Variants in MAP3K5 observed in about 807,000 individuals in gnomAD.
MAP3K5 encodes the protein ASK-1.
MAP3K5 carries 56 observed loss-of-function variants against 158.7 expected under a neutral mutation model. That is an observed-to-expected ratio of 0.35 (90% CI 0.28 to 0.44). The LOEUF (loss-of-function observed/expected upper bound fraction) is 0.44. Ranked by LOEUF, MAP3K5 falls within the 20% of genes least tolerant of loss-of-function variation. The pLI, the probability that MAP3K5 is intolerant of heterozygous loss-of-function variation, is 1.00. For missense variants in MAP3K5, 1,294 were observed against 1,674.8 expected (o/e 0.77, Z 3.97); for synonymous variants, 579 against 601.7 (o/e 0.96, Z 0.55).
At chr6:136,654,533 G>A (rs1778659668) in intron 10 of MAP3K5, among the ~76,000 whole-genome samples, 1 of 152,064 alleles carries the variant, frequency 6.6e-6, no homozygotes, top group Admixed American at 6.6e-5. Context: ...CGCAACCTCT[G>A]CCTCCCAGGT....
intron 15 of MAP3K5, 109 bp downstream of exon 15, chr6:136,622,739 G>A: frequency 1.6e-6 from 2 of 1,212,690 alleles, no homozygotes; most frequent in Non-Finnish European, 2.3e-6. Flanking sequence ...AATTCACAGA[G>A]TGAAGTTTTC....
At chr6:136,732,998 C>A (rs1782291420) in intron 1 of MAP3K5, among the ~76,000 whole-genome samples, 1 of 152,068 alleles carries the variant, frequency 6.6e-6, no homozygotes, top group Non-Finnish European at 1.5e-5. Flanking sequence ...CTTTCAAGCA[C>A]ATAGTACTTT....
chr6:136,557,759 C>G lies in MAP3K5; in HGVS notation c.4124G>C (p.Ter1375SerextTer14). Residue 1375 changes from the stop codon to serine, a stop_lost, in exon 30 of 30, where the codon TGA becomes TCA. Coordinates refer to ENST00000359015, the MANE Select transcript of MAP3K5 (RefSeq NM_005923.4). ...ATCGAAGATTAGATTGAGCAACAGT[C>G]AAGTCTGTTTGTTTCGAAAGTCAAT... Reference protein sequence around the residue: ...AIIDFRNKQT* With the variant: ...AIIDFRNKQTS 1 of 1,608,710 alleles carries G rather than the reference C, an allele frequency of 6.2e-7. No homozygotes were observed. The highest frequency in any genetic ancestry group is 8.5e-7 in the Non-Finnish European group (1 of 1,175,214).
chr6:136,645,515 AG>A (rs201841196), intron 11 of MAP3K5, among the ~76,000 whole-genome samples: 2,152 of 152,200 alleles, frequency 0.014, 13 homozygotes, highest in Middle Eastern at 0.024. Context: ...AACCCCCAAA[AG>A]GGGGGGAAAT....
chr6:136,669,238 G>A (rs759663372), intron 8 of MAP3K5, 45 bp downstream of exon 8: 1 of 1,217,854 alleles, frequency 8.2e-7, no homozygotes, highest in Non-Finnish European at 1.2e-6. Flanking sequence ...CACCAAGTTG[G>A]GTCCAGTTTC....
At chr6:136,657,541 ACTGCT>A (rs1235190895) in intron 9 of MAP3K5, among the ~76,000 whole-genome samples, 2 of 152,224 alleles carry the variant, frequency 1.3e-5, no homozygotes, top group African/African-American at 4.8e-5. Flanking sequence ...CTGAATGCCT[ACTGCT>A]GCACACAGTG....
rs148901255 is a variant in MAP3K5, at chr6:136,722,749, G to T, written c.449-2160C>A. On this transcript the variant is annotated intron_variant, in intron 1 of 29. Transcript: ENST00000359015. Reference sequence around the variant, plus strand: ...ACTAGAGTGCAGTGACAAAATCATAGCTCACTATATATGCACAGCCTCAAA... The same window carrying T: ...ACTAGAGTGCAGTGACAAAATCATATCTCACTATATATGCACAGCCTCAAA... 5.4e-4 allele frequency among the ~76,000 whole-genome samples: 77 copies of T among 142,266 alleles called. No homozygotes were observed. The East Asian group carries it at 0.014, about 26-fold the overall frequency. The allele number at this position is 142,266 out of a possible 152,430, so 93.3% of individuals were successfully genotyped here.
At chr6:136,567,369 A>G (rs920986626) in intron 26 of MAP3K5, among the ~76,000 whole-genome samples, 1 of 152,226 alleles carries the variant, frequency 6.6e-6, no homozygotes, top group African/African-American at 2.4e-5. Context: ...CTATGAGGCT[A>G]CAACGAAGCT....
At chr6:136,705,187 A>G in intron 2 of MAP3K5, 54 bp from the exon 3 acceptor site, 1 of 830,458 alleles carries the variant, frequency 1.2e-6, no homozygotes, top group Non-Finnish European at 1.9e-6. Flanking sequence ...TGAATAATTC[A>G]ACAACATTTA....
intron 19 of MAP3K5, among the ~76,000 whole-genome samples, chr6:136,603,308 G>T (rs1775960876): frequency 6.6e-6 from 1 of 151,196 alleles, no homozygotes; most frequent in South Asian, 2.1e-4. Context: ...AAGTAGCTGG[G>T]ATTACAGGTG....
chr6:136,746,295 G>C (rs560345077), intron 1 of MAP3K5, among the ~76,000 whole-genome samples: 1 of 151,838 alleles, frequency 6.6e-6, no homozygotes, highest in African/African-American at 2.4e-5. Flanking sequence ...TGAGGGGGGG[G>C]CAGGAAAATA....
intron 6 of MAP3K5, among the ~76,000 whole-genome samples, chr6:136,694,682 G>C (rs1583430722): frequency 6.6e-6 from 1 of 152,112 alleles, no homozygotes; most frequent in South Asian, 2.1e-4. Flanking sequence ...GCCAAGTAGG[G>C]ACAAAACCCT....
intron 1 of MAP3K5, among the ~76,000 whole-genome samples, chr6:136,754,082 G>A (rs1022044843): frequency 1.3e-5 from 2 of 151,426 alleles, no homozygotes; most frequent in Non-Finnish European, 2.9e-5. Flanking sequence ...ACACCAGTCT[G>A]GGCAGCATGA....
At chr6:136,564,711 G>T (rs747505030) in intron 26 of MAP3K5, among the ~76,000 whole-genome samples, 1 of 152,206 alleles carries the variant, frequency 6.6e-6, no homozygotes, top group Non-Finnish European at 1.5e-5. Flanking sequence ...TAAAGTGAAT[G>T]AAATATGGCC....
At chr6:136,743,433 G>A (rs373639594) in intron 1 of MAP3K5, among the ~76,000 whole-genome samples, 9 of 152,052 alleles carry the variant, frequency 5.9e-5, no homozygotes, top group African/African-American at 2.2e-4. Context: ...CTGGGTAACA[G>A]AGCAAGACTC....
chr6:136,762,667 C>T (rs951649572), intron 1 of MAP3K5, among the ~76,000 whole-genome samples: 1 of 152,158 alleles, frequency 6.6e-6, no homozygotes, highest in African/African-American at 2.4e-5. Flanking sequence ...CACTTCCTGT[C>T]CTCTGTCTTT....
At chr6:136,673,577 A>G (rs1779573443) in intron 7 of MAP3K5, among the ~76,000 whole-genome samples, 1 of 152,208 alleles carries the variant, frequency 6.6e-6, no homozygotes, top group Non-Finnish European at 1.5e-5. Context: ...ATAATCTAGC[A>G]CCAAAACATA....
At chr6:136,568,137 C>T (rs1003096776) in intron 25 of MAP3K5, among the ~76,000 whole-genome samples, 2 of 152,098 alleles carry the variant, frequency 1.3e-5, no homozygotes, top group African/African-American at 4.8e-5. Context: ...ATGATCAATA[C>T]ATAGTCACAT....
intron 1 of MAP3K5, among the ~76,000 whole-genome samples, chr6:136,756,417 C>A (rs1783489631): frequency 6.6e-6 from 1 of 152,176 alleles, no homozygotes; most frequent in Admixed American, 6.5e-5. Flanking sequence ...GTCTTTCCAA[C>A]TAGACTAGAA....
Sources: gnomAD v4.1 joint callset for allele counts (sites outside exome capture counted in the v4.1 genomes callset) on GRCh38, gnomAD v4.1.1 for gene constraint, MANE v1.5 for transcripts, NCBI Gene and HGNC (gene_info 2026-07-23, HGNC 2026-07-21) for gene names.